The following ESRRG variants were observed in gnomAD, a reference collection of about 807,000 sequenced individuals.
ESRRG encodes the protein estrogen-related receptor gamma.
ESRRG carries 13 observed loss-of-function variants against 44.0 expected under a neutral mutation model. The observed-to-expected ratio is 0.30, with a 90% confidence interval of 0.19 to 0.47. The LOEUF is 0.47. ESRRG is among the 20% of genes least tolerant of loss of function. The pLI, the probability that ESRRG is intolerant of heterozygous loss-of-function variation, is 1.00. For missense variants in ESRRG, 395 were observed against 580.6 expected (o/e 0.68, Z 3.29); for synonymous variants, 215 against 214.6 (o/e 1.00, Z -0.02).
chr1:216,963,572 A>T, intron 1 of ESRRG, among the ~76,000 whole-genome samples: 1 of 152,312 alleles, frequency 6.6e-6, no homozygotes, highest in Admixed American at 6.5e-5. Flanking sequence ...AGACTTGTCT[A>T]TCCTCCTCTA....
intron 1 of ESRRG, among the ~76,000 whole-genome samples, chr1:217,024,941 T>C (rs61816712): frequency 0.25 from 37,403 of 152,086 alleles, 5,499 homozygotes; most frequent in Non-Finnish European, 0.34. Flanking sequence ...TCCACTTACA[T>C]AGGAGGAAAC....
chr1:216,979,420 A>G (rs1420633069), intron 1 of ESRRG, among the ~76,000 whole-genome samples: 2 of 152,164 alleles, frequency 1.3e-5, no homozygotes, highest in East Asian at 1.9e-4. Context: ...GCCATTTGCC[A>G]GTCACTGTCT....
intron 1 of ESRRG, among the ~76,000 whole-genome samples, chr1:216,966,428 T>A (rs1010068266): frequency 6.6e-6 from 1 of 152,158 alleles, no homozygotes; most frequent in African/African-American, 2.4e-5. Context: ...TCTTCACTAT[T>A]CCCAAGCCCT....
chr1:216,523,103 A>G (rs1205729149), intron 5 of ESRRG, among the ~76,000 whole-genome samples: 1 of 152,200 alleles, frequency 6.6e-6, no homozygotes, highest in Non-Finnish European at 1.5e-5. Context: ...GCCATATTAC[A>G]GCTTTTTAAA....
intron 2 of ESRRG, among the ~76,000 whole-genome samples, chr1:216,655,578 A>C (rs987182627): frequency 6.6e-6 from 1 of 152,228 alleles, no homozygotes; most frequent in Non-Finnish European, 1.5e-5. Flanking sequence ...TAGCATCTTC[A>C]CAAATGATAT....
At chr1:216,709,341 G>GTATATATATA (rs1483599909) in intron 1 of ESRRG, among the ~76,000 whole-genome samples, 3 of 42,798 alleles carry the variant, frequency 7.0e-5, no homozygotes, top group African/African-American at 2.3e-4. Context: ...GTGTGTGTGT[G>GTATATATATA]TGTATATATA....
At chr1:217,067,576 G>A (rs1302842972) in intron 1 of ESRRG, among the ~76,000 whole-genome samples, 1 of 152,180 alleles carries the variant, frequency 6.6e-6, no homozygotes, top group East Asian at 1.9e-4. Flanking sequence ...TGAGGCATTA[G>A]TAATAGATTG....
At chr1:216,682,132 T>C (rs1017225583) in intron 1 of ESRRG, 1 of 152,232 alleles carries the variant, frequency 6.6e-6, no homozygotes, top group Non-Finnish European at 1.5e-5. Context: ...TTTACACAGA[T>C]CTTGAATTCA....
chr1:216,574,328 A>G (rs1250362877), intron 3 of ESRRG, among the ~76,000 whole-genome samples: 1 of 152,152 alleles, frequency 6.6e-6, no homozygotes, highest in Non-Finnish European at 1.5e-5. Context: ...AAATTGAGAA[A>G]GCAAGAGTAG....
At chr1:216,668,061 C>T (rs2074358656) in intron 2 of ESRRG, among the ~76,000 whole-genome samples, 1 of 152,022 alleles carries the variant, frequency 6.6e-6, no homozygotes, top group Non-Finnish European at 1.5e-5. Context: ...CACACCATTG[C>T]ACTCCAGCCT....
chr1:217,059,143 G>T (rs887597719), intron 1 of ESRRG, among the ~76,000 whole-genome samples: 6 of 149,702 alleles, frequency 4.0e-5, no homozygotes, highest in Non-Finnish European at 8.9e-5. Flanking sequence ...AAATGCAGGG[G>T]ACAGAGGAAC....
At chr1:217,015,951 G>T (rs190520694) in intron 1 of ESRRG, among the ~76,000 whole-genome samples, 5 of 152,014 alleles carry the variant, frequency 3.3e-5, no homozygotes, top group African/African-American at 1.2e-4. Context: ...GGCTGGCTTC[G>T]AACTGCTGAC....
chr1:216,929,911 A>G (rs1008541289), intron 2 of ESRRG, among the ~76,000 whole-genome samples: 7 of 152,106 alleles, frequency 4.6e-5, no homozygotes, highest in African/African-American at 1.7e-4. Context: ...CCATGTTCTC[A>G]TAGAAACCGT....
At chr1:216,848,056 A>G (rs1325969159) in intron 2 of ESRRG, among the ~76,000 whole-genome samples, 1 of 152,162 alleles carries the variant, frequency 6.6e-6, no homozygotes, top group East Asian at 1.9e-4. Context: ...GATGTTTAGC[A>G]GCATCCATGG....
chr1:216,949,974 G>A (rs367888520), intron 1 of ESRRG, among the ~76,000 whole-genome samples: 10 of 151,690 alleles, frequency 6.6e-5, no homozygotes, highest in East Asian at 1.9e-4. Context: ...CACCACACCC[G>A]GCTAATTTTT....
intron 1 of ESRRG, among the ~76,000 whole-genome samples, chr1:216,703,065 T>G (rs769080219): frequency 6.6e-6 from 1 of 152,228 alleles, no homozygotes; most frequent in Non-Finnish European, 1.5e-5. Flanking sequence ...CTTGTATAGA[T>G]GCAGTTAAAA....
chr1:217,123,026 G>C (rs1368115977), intron 1 of ESRRG, among the ~76,000 whole-genome samples: 1 of 151,974 alleles, frequency 6.6e-6, no homozygotes, highest in Non-Finnish European at 1.5e-5. Flanking sequence ...TAGCCCAGAA[G>C]TGACATATAT....
At chr1:216,836,009 G>A (rs2095558960) in intron 2 of ESRRG, among the ~76,000 whole-genome samples, 1 of 147,752 alleles carries the variant, frequency 6.8e-6, no homozygotes, top group African/African-American at 2.5e-5. Context: ...TTAATTATGT[G>A]TTTACCTCTC....
rs1342000486 is a variant in ESRRG, at chr1:217,014,207, T to C, written c.-105-74534A>G. Among the ~76,000 whole-genome samples the C allele has an allele frequency of 4.6e-5, 7 of 152,116 alleles. No homozygotes were observed. In the South Asian group the frequency reaches 1.2e-3, roughly 27 times the overall value. Reference sequence around the variant, plus strand: ...CTGCATAAGACTTTTGACATTTATTTCTGGGGGTGTTTTCTGAAGCTGGAT... The same window carrying C: ...CTGCATAAGACTTTTGACATTTATTCCTGGGGGTGTTTTCTGAAGCTGGAT... On this transcript the variant is annotated intron_variant, in intron 1 of 7. Coordinates refer to the ESRRG transcript ENST00000359162.
Sources: allele counts gnomAD v4.1 joint callset (sites outside exome capture counted in the v4.1 genomes callset), GRCh38; gene constraint gnomAD v4.1.1; transcripts MANE v1.5; gene names NCBI Gene and HGNC (gene_info 2026-07-23, HGNC 2026-07-21).